STAT3: variants seen among roughly 807,000 people sequenced by gnomAD.
The protein encoded by STAT3 is signal transducer and activator of transcription 3.
Under a neutral mutation model 114.3 loss-of-function variants are expected in STAT3, and 7 were observed. The observed-to-expected ratio is 0.06, with a 90% confidence interval of 0.03 to 0.11. The LOEUF (loss-of-function observed/expected upper bound fraction) is 0.11. Among genes scored for constraint, STAT3 ranks in the 10% least tolerant of loss-of-function variants. The pLI is 1.00. For missense variants in STAT3, 364 were observed against 960.9 expected (o/e 0.38, Z 8.21); for synonymous variants, 331 against 354.5 (o/e 0.93, Z 0.74).
chr17:42,329,162 C>G (rs903540513), intron 14 of STAT3, among the ~76,000 whole-genome samples: 1 of 152,192 alleles, frequency 6.6e-6, no homozygotes, highest in Non-Finnish European at 1.5e-5. Context: ...AACAACTCAG[C>G]AAGGGACTTT....
At chr17:42,315,861 G>A (rs1567701148) in intron 23 of STAT3, 61 bp from the exon 24 acceptor site, 7 of 1,612,694 alleles carry the variant, frequency 4.3e-6, no homozygotes, top group Middle Eastern at 1.8e-4. Flanking sequence ...GGCAGGCCAC[G>A]CCCCCAGCCC....
chr17:42,332,487 G>A (rs2082062543), intron 10 of STAT3, among the ~76,000 whole-genome samples: 2 of 135,886 alleles, frequency 1.5e-5, no homozygotes, highest in Admixed American at 8.1e-5. Context: ...GCAGTGATCC[G>A]AGATCACACC....
At chr17:42,316,231 TTTTAG>T (rs1185873826) in intron 23 of STAT3, 4 of 438,420 alleles carry the variant, frequency 9.1e-6, no homozygotes, top group Middle Eastern at 8.8e-4. Flanking sequence ...AACTTTTTCT[TTTTAG>T]TTTAGTTTTG....
Position 42,321,793 on chromosome 17 carries a change from T to C in STAT3, c.2101+489A>G, listed in dbSNP as rs555207597. Among the ~76,000 whole-genome samples the C allele has an allele frequency of 3.3e-5, 5 of 152,262 alleles. No homozygotes were observed. In the East Asian group the frequency reaches 9.6e-4, roughly 29 times the overall value. ...ACTTTCCCTTCTCGTGTTTCAGGCA[T>C]GTTTTGGGGGACGTATGTGTATTGA... On this transcript the variant is annotated intron_variant, in intron 21 of 23. Transcript: ENST00000264657.
intron 1 of STAT3, among the ~76,000 whole-genome samples, chr17:42,351,245 ATTATT>A (rs1567734100): frequency 1.3e-5 from 2 of 151,866 alleles, no homozygotes; most frequent in Non-Finnish European, 2.9e-5. Flanking sequence ...AAAACATATT[ATTATT>A]TATTTATTTA....
intron 1 of STAT3, among the ~76,000 whole-genome samples, chr17:42,353,151 C>G (rs1186469140): frequency 6.6e-6 from 1 of 151,974 alleles, no homozygotes; most frequent in African/African-American, 2.4e-5. Flanking sequence ...AGTTTGAGAC[C>G]AGACTGGCCA....
intron 8 of STAT3, among the ~76,000 whole-genome samples, chr17:42,336,156 C>A (rs749817217): frequency 6.6e-6 from 1 of 152,064 alleles, no homozygotes; most frequent in African/African-American, 2.4e-5. Flanking sequence ...TGTAGAGTTG[C>A]GCTAAATTTC....
intron 1 of STAT3, among the ~76,000 whole-genome samples, chr17:42,386,108 C>T (rs1033834999): frequency 2.0e-5 from 3 of 151,904 alleles, no homozygotes; most frequent in Admixed American, 6.6e-5. Context: ...GGTAAAACCC[C>T]GGTCTCTACT....
intron 4 of STAT3, among the ~76,000 whole-genome samples, chr17:42,342,017 A>G (rs1390132175): frequency 6.6e-6 from 1 of 151,924 alleles, no homozygotes; most frequent in African/African-American, 2.4e-5. Context: ...GACTTAAACC[A>G]CTTATTTTTA....
At chr17:42,361,447 C>T (rs1214547620) in intron 1 of STAT3, among the ~76,000 whole-genome samples, 2 of 150,990 alleles carry the variant, frequency 1.3e-5, no homozygotes, top group Non-Finnish European at 2.9e-5. Context: ...CACGCCATTG[C>T]ACTCCAGCCT....
At chr17:42,366,607 G>A (rs564341457) in intron 1 of STAT3, among the ~76,000 whole-genome samples, 2 of 149,484 alleles carry the variant, frequency 1.3e-5, no homozygotes, top group South Asian at 4.3e-4. Flanking sequence ...GGAGGCGGAG[G>A]TTGTAGTAAG....
At position 42,337,795 on chromosome 17, in the gene STAT3, G is replaced by C; in HGVS notation, c.613C>G (p.Gln205Glu). Residue 205 changes from glutamine (Q) to glutamate (E), a missense_variant, in exon 7 of 24, where the codon CAG (glutamine) becomes GAG (glutamate). By Grantham distance (29) the Gln-to-Glu change is conservative (BLOSUM62 2). This residue lies in a region of STAT3 where 294 missense variants were observed against 745.1 expected (regional missense o/e 0.39). Coordinates refer to ENST00000264657, the MANE Select transcript of STAT3 (RefSeq NM_139276.3). The surrounding 1 kb of genome is among the most constrained non-coding windows in gnomAD (Gnocchi z 4.0). ...ATCTGGTCCAGCGCAGTGAGCATCT[G>C]TTCCAGCTGCTGCATCTTCTGCCTG... ...VTRQKMQQLE[Q>E]MLTALDQMRR... is the part of the protein sequence containing the mutation. The C allele has an allele frequency of 6.2e-7, 1 of 1,614,268 alleles. No homozygotes were observed. The highest frequency in any genetic ancestry group is 8.5e-7 in the Non-Finnish European group (1 of 1,180,056).
chr17:42,371,965 A>C (rs113803209), intron 1 of STAT3, among the ~76,000 whole-genome samples: 9,307 of 152,216 alleles, frequency 0.061, 346 homozygotes, highest in Non-Finnish European at 0.074. Context: ...CCAGGGCAAC[A>C]AGAGTGAAAC....
At chr17:42,331,155 C>T (rs17886496) in intron 11 of STAT3, among the ~76,000 whole-genome samples, 11,197 of 152,146 alleles carry the variant, frequency 0.074, 1,391 homozygotes, top group African/African-American at 0.26. Context: ...TTTTGCAGAA[C>T]GTATCCCAGT....
At chr17:42,367,375 C>T (rs2083862544) in intron 1 of STAT3, among the ~76,000 whole-genome samples, 1 of 151,674 alleles carries the variant, frequency 6.6e-6, no homozygotes, top group African/African-American at 2.4e-5. Flanking sequence ...TCATTTCATT[C>T]CCCTGCTCAA....
chr17:42,324,969 A>T lies in STAT3; in HGVS notation c.1458T>A (p.Asn486Lys). The change falls in exon 16 of 24, where the codon AAT (asparagine) becomes AAA (lysine). Residue 486 changes from asparagine to lysine, a missense_variant. Asn to Lys is a moderately conservative substitution (Grantham distance 94). Transcript: ENST00000264657. This position sits in a 1 kb window ranked among gnomAD's most constrained non-coding sequence, Gnocchi z 4.5. ...SILWYNMLTNNPKNVNFFTKP... is the reference protein window; with the variant it reads ...SILWYNMLTNKPKNVNFFTKP... ...AAAAGGAGGGGGCACTAACCTTGGG[A>T]TTGTTGGTCAGCATGTTGTACCACA... 2 of 1,614,156 alleles carry T rather than the reference A, an allele frequency of 1.2e-6. No individual in the cohort carries two copies. The highest frequency in any genetic ancestry group is 1.7e-6 in the Non-Finnish European group (2 of 1,180,022).
intron 1 of STAT3, among the ~76,000 whole-genome samples, chr17:42,363,671 C>T (rs1377350907): frequency 2.0e-5 from 3 of 149,162 alleles, no homozygotes; most frequent in Non-Finnish European, 4.4e-5. Context: ...AGGATGGTCT[C>T]GAACTCCTGG....
chr17:42,319,367 C>G (rs1272097651), intron 21 of STAT3, among the ~76,000 whole-genome samples: 1 of 151,270 alleles, frequency 6.6e-6, no homozygotes, highest in Non-Finnish European at 1.5e-5. Flanking sequence ...CAGGGTGAAA[C>G]CCGGTCTCTA....
chr17:42,363,310 T>G (rs2083609921), intron 1 of STAT3, among the ~76,000 whole-genome samples: 1 of 152,012 alleles, frequency 6.6e-6, no homozygotes, highest in Non-Finnish European at 1.5e-5. Context: ...TCAATAAGAG[T>G]AAAATCACAG....
Sources: gnomAD v4.1 joint callset for allele counts (sites outside exome capture counted in the v4.1 genomes callset) on GRCh38, gnomAD v4.1.1 for gene constraint, gnomAD v4.1.1 regional missense constraint, Gnocchi (gnomAD v3.1) non-coding constraint, MANE v1.5 for transcripts, NCBI Gene and HGNC (gene_info 2026-07-23, HGNC 2026-07-21) for gene names.